CDC5L: variants seen among roughly 807,000 people sequenced by gnomAD.
The protein encoded by CDC5L is cell division cycle 5 like.
CDC5L carries 18 observed loss-of-function variants against 104.1 expected under a neutral mutation model. That is an observed-to-expected ratio of 0.17 (90% CI 0.12 to 0.26). The LOEUF (loss-of-function observed/expected upper bound fraction) is 0.26, where lower values mean the gene tolerates loss of function less well. CDC5L is among the 10% of genes least tolerant of loss of function. The pLI is 1.00. For missense variants in CDC5L, 673 were observed against 956.9 expected (o/e 0.70, Z 3.91); for synonymous variants, 331 against 322.7 (o/e 1.03, Z -0.28).
chr6:44,436,827 A>G (rs567590147), intron 14 of CDC5L, among the ~76,000 whole-genome samples: 14 of 152,326 alleles, frequency 9.2e-5, no homozygotes, highest in Admixed American at 8.5e-4. Context: ...ATGTGGATAT[A>G]TTCTTAATTT....
At chr6:44,411,083 GTTTTC>G (rs1791602607) in intron 8 of CDC5L, among the ~76,000 whole-genome samples, 1 of 151,376 alleles carries the variant, frequency 6.6e-6, no homozygotes, top group African/African-American at 2.4e-5. Context: ...GTTTTTATAA[GTTTTC>G]TTTTCCTTGC....
chr6:44,439,975 T>C (rs1793105996), intron 14 of CDC5L, among the ~76,000 whole-genome samples: 1 of 152,108 alleles, frequency 6.6e-6, no homozygotes, highest in Admixed American at 6.5e-5. Flanking sequence ...ATATCCTAAC[T>C]CCCTTAGGAG....
chr6:44,401,556 C>T (rs1459985201), intron 5 of CDC5L, among the ~76,000 whole-genome samples: 1 of 151,996 alleles, frequency 6.6e-6, no homozygotes, highest in Non-Finnish European at 1.5e-5. Flanking sequence ...CTTGGCTGCA[C>T]TTGTGTGGAG....
At chr6:44,439,884 A>G (rs1793101936) in intron 14 of CDC5L, among the ~76,000 whole-genome samples, 1 of 152,200 alleles carries the variant, frequency 6.6e-6, no homozygotes, top group South Asian at 2.1e-4. Flanking sequence ...GCATCAGCTC[A>G]AAACAGCTGG....
At chr6:44,412,099 C>G (rs182085175) in intron 8 of CDC5L, among the ~76,000 whole-genome samples, 1 of 152,344 alleles carries the variant, frequency 6.6e-6, no homozygotes, top group East Asian at 1.9e-4. Flanking sequence ...CACTAGCCAT[C>G]TTCTCCTGGT....
At chr6:44,440,844 A>G (rs2153383927) in intron 14 of CDC5L, among the ~76,000 whole-genome samples, 1 of 151,374 alleles carries the variant, frequency 6.6e-6, no homozygotes, top group South Asian at 2.1e-4. Context: ...AGTAGCTGGG[A>G]CTACAGGCGT....
At chr6:44,411,637 A>AGAGAGTGTGTGTGTGTGT in intron 8 of CDC5L, among the ~76,000 whole-genome samples, 86 of 123,738 alleles carry the variant, frequency 7.0e-4, no homozygotes, top group African/African-American at 2.5e-3. Context: ...AGAGAGAGAG[A>AGAGAGTGTGTGTGTGTGT]GTGTGTGTGT....
intron 4 of CDC5L, among the ~76,000 whole-genome samples, chr6:44,395,338 C>G (rs1052623464): frequency 2.6e-5 from 4 of 152,238 alleles, no homozygotes; most frequent in African/African-American, 7.2e-5. Flanking sequence ...ATGCATGTAA[C>G]AAACTCTCAC....
chr6:44,405,228 C>T (rs1414669816), intron 6 of CDC5L, among the ~76,000 whole-genome samples: 1 of 152,110 alleles, frequency 6.6e-6, no homozygotes, highest in African/African-American at 2.4e-5. Flanking sequence ...AAGTTTTCTA[C>T]TCCGTTGACC....
rs745430137 is a variant in CDC5L at position 44,408,538 on chromosome 6, C to A, written c.998C>A (p.Ala333Asp). 1.9e-6 allele frequency: 3 copies of A among 1,613,956 alleles called. No individual in the cohort carries two copies. The South Asian group carries it at 3.3e-5, about 18-fold the overall frequency. ...GAGGAATCTGGCATAACAAATTCTG[C>A]TTCCAGTACACTTTTGTCTGAGTAC... ...TAEESGITNSASSTLLSEYNV... is the reference protein window; with the variant it reads ...TAEESGITNSDSSTLLSEYNV... The change falls in exon 8 of 16, where the codon GCT becomes GAT. Residue 333 changes from alanine (A) to aspartate (D), a missense_variant. Physicochemically the swap from Ala to Asp is moderately radical, Grantham distance 126 (BLOSUM62 -2). Around this residue, in one of 4 missense-constraint regions of CDC5L, gnomAD observed 578 missense variants for 737.0 expected, o/e 0.78. Transcript: ENST00000371477.
intron 8 of CDC5L, among the ~76,000 whole-genome samples, chr6:44,412,211 A>G (rs752687600): frequency 4.1e-4 from 63 of 152,238 alleles, no homozygotes; most frequent in Non-Finnish European, 7.3e-4. Flanking sequence ...CTTTCATTAA[A>G]ATACAGAGCA....
chr6:44,403,700 A>G (rs921575956), intron 5 of CDC5L, 109 bp from the exon 6 acceptor site: 3 of 755,722 alleles, frequency 4.0e-6, no homozygotes, highest in Admixed American at 5.9e-5. Flanking sequence ...AAGGATTTAA[A>G]TAACTATTTC....
intron 11 of CDC5L, 68 bp downstream of exon 11, chr6:44,424,651 T>A: frequency 1.3e-6 from 2 of 1,490,832 alleles, no homozygotes; most frequent in Non-Finnish European, 1.9e-6. Flanking sequence ...GAATGAAGAA[T>A]AGCCATTAAA....
At chr6:44,441,965 C>T (rs113579460) in intron 14 of CDC5L, among the ~76,000 whole-genome samples, 4 of 124,282 alleles carry the variant, frequency 3.2e-5, no homozygotes, top group African/African-American at 9.6e-5. Context: ...TGAGACAGAG[C>T]CTCCTTCTGT....
chr6:44,431,582 T>C (rs540058264), intron 14 of CDC5L, among the ~76,000 whole-genome samples: 1 of 152,318 alleles, frequency 6.6e-6, no homozygotes, highest in Admixed American at 6.5e-5. Context: ...TTGCCGCAAA[T>C]GGCAAGAACA....
At chr6:44,439,332 G>A (rs893529081) in intron 14 of CDC5L, among the ~76,000 whole-genome samples, 1 of 152,082 alleles carries the variant, frequency 6.6e-6, no homozygotes, top group African/African-American at 2.4e-5. Context: ...ACAGGTTTTC[G>A]TGTGGACATG....
chr6:44,400,111 CGTT>C (rs1488422677), intron 5 of CDC5L, among the ~76,000 whole-genome samples: 2 of 152,014 alleles, frequency 1.3e-5, no homozygotes, highest in African/African-American at 4.8e-5. Flanking sequence ...TTTGATGCAA[CGTT>C]GTTATCATAC....
intron 8 of CDC5L, 57 bp from the exon 9 acceptor site, chr6:44,419,392 G>T: frequency 6.4e-7 from 1 of 1,553,976 alleles, no homozygotes. Flanking sequence ...GACCAGAAGA[G>T]ATTCTGCAAG....
At position 44,426,666 on chromosome 6, in the gene CDC5L, A is replaced by G; in HGVS notation, c.1835A>G (p.His612Arg). The G allele has an allele frequency of 6.2e-7, 1 of 1,612,866 alleles. No homozygotes were observed. Among genetic ancestry groups the G allele is most frequent in the Non-Finnish European group, 8.5e-7 (1 of 1,179,044 alleles). Residue 612 changes from histidine (H) to arginine (R), a missense_variant, in exon 13 of 16, where the codon CAC (histidine) becomes CGC (arginine). Physicochemically the swap from His to Arg is conservative, Grantham distance 29. Transcript: ENST00000371477. ...GGGTTTGGTACCAATAATTCAGAGC[A>G]CATTACCTATCTGGAACATAATCCT... ...TVGFGTNNSE[H>R]ITYLEHNPYE...
Sources: allele counts gnomAD v4.1 joint callset (sites outside exome capture counted in the v4.1 genomes callset), GRCh38; gene constraint gnomAD v4.1.1; regional missense constraint gnomAD v4.1.1; transcripts MANE v1.5; gene names NCBI Gene and HGNC (gene_info 2026-07-23, HGNC 2026-07-21).